PCDH15: variants seen among roughly 807,000 people sequenced by gnomAD.
PCDH15 encodes protocadherin related 15.
PCDH15 carries 129 observed loss-of-function variants against 178.5 expected under a neutral mutation model. The observed-to-expected ratio is 0.72, with a 90% CI of 0.63 to 0.84. The LOEUF (loss-of-function observed/expected upper bound fraction) is 0.84, where lower values mean the gene tolerates loss of function less well. Among genes scored for constraint, PCDH15 ranks in the 40% least tolerant of loss-of-function variants. The pLI, the probability that PCDH15 is intolerant of heterozygous loss-of-function variation, is 0.00. For missense variants in PCDH15, 2,230 were observed against 2,099.9 expected (o/e 1.06, Z -1.21); for synonymous variants, 800 against 732.0 (o/e 1.09, Z -1.50).
At chr10:54,856,161 G>T (rs1187487860) in intron 3 of PCDH15, among the ~76,000 whole-genome samples, 1 of 152,142 alleles carries the variant, frequency 6.6e-6, no homozygotes, top group Admixed American at 6.6e-5. Context: ...TTATTTGACA[G>T]ATGCTAATGT....
chr10:54,168,676 CA>C (rs1330390360), intron 13 of PCDH15, among the ~76,000 whole-genome samples: 2 of 152,100 alleles, frequency 1.3e-5, no homozygotes, highest in African/African-American at 4.8e-5. Context: ...TCTTTTTCAT[CA>C]AATATAAAAA....
chr10:55,603,500 T>A (rs1474145137), intron 2 of PCDH15, among the ~76,000 whole-genome samples: 1 of 151,834 alleles, frequency 6.6e-6, no homozygotes. Context: ...GAGAGAAAGG[T>A]CAGGTTACCC....
Position 54,664,241 on chromosome 10 carries a change from A to G in PCDH15, c.22T>C (p.Trp8Arg), listed in dbSNP as rs1490277261. 6.2e-7 allele frequency: 1 copy of G among 1,611,798 alleles called. No individual in the cohort carries two copies. The highest frequency in any genetic ancestry group is 1.3e-5 in the African/African-American group (1 of 74,848). The change falls in exon 2 of 38, where the codon TGG (tryptophan) becomes CGG (arginine). Residue 8 changes from tryptophan to arginine, a missense_variant. Coordinates refer to ENST00000644397, the MANE Select transcript of PCDH15 (RefSeq NM_001384140.1). ...ATGATCCCTGAAGCTAAACATGTCC[A>G]GAGATAAAACTGTCGAAACATCTTC... MFRQFYL[W>R]TCLASGIILG...
intron 3 of PCDH15, among the ~76,000 whole-genome samples, chr10:54,490,279 T>A (rs1377061077): frequency 6.6e-6 from 1 of 151,838 alleles, no homozygotes; most frequent in Non-Finnish European, 1.5e-5. Flanking sequence ...TGAAACTCTG[T>A]CTCTATTAAA....
chr10:54,182,970 G>T (rs1374067639), intron 13 of PCDH15, among the ~76,000 whole-genome samples: 6 of 136,088 alleles, frequency 4.4e-5, no homozygotes, highest in East Asian at 2.0e-4. Context: ...TTTGTTTTTG[G>T]TTTTTTGTTT....
At chr10:54,599,902 G>A (rs1181297819) in intron 2 of PCDH15, 2 of 735,082 alleles carry the variant, frequency 2.7e-6, no homozygotes, top group Non-Finnish European at 4.7e-6. Flanking sequence ...AAAGAAAGTT[G>A]AGGAAAAGAG....
intron 1 of PCDH15, among the ~76,000 whole-genome samples, chr10:54,699,207 A>G (rs1337289194): frequency 6.6e-6 from 1 of 152,152 alleles, no homozygotes; most frequent in Non-Finnish European, 1.5e-5. Context: ...GTTATTGTCA[A>G]CTTTGAAAGG....
At chr10:54,330,114 C>A (rs1939135485) in intron 6 of PCDH15, among the ~76,000 whole-genome samples, 1 of 151,762 alleles carries the variant, frequency 6.6e-6, no homozygotes, top group Non-Finnish European at 1.5e-5. Context: ...CAATTGTCAA[C>A]ATTGATATCC....
chr10:55,272,695 C>T (rs1233146763), intron 1 of PCDH15, among the ~76,000 whole-genome samples: 2 of 151,928 alleles, frequency 1.3e-5, no homozygotes, highest in African/African-American at 4.8e-5. Flanking sequence ...CCTATCATGT[C>T]TTATTTTAAA....
At chr10:55,547,138 C>T (rs901332505) in intron 2 of PCDH15, among the ~76,000 whole-genome samples, 72 of 152,224 alleles carry the variant, frequency 4.7e-4, no homozygotes, top group African/African-American at 1.7e-3. Context: ...AGGAGCAGCC[C>T]GGGGACGTTG....
intron 1 of PCDH15, among the ~76,000 whole-genome samples, chr10:54,708,814 G>A (rs540127566): frequency 3.3e-5 from 5 of 151,946 alleles, no homozygotes; most frequent in Admixed American, 1.3e-4. Context: ...GCGCGCGTGC[G>A]TGTGGTCATC....
At chr10:55,561,204 TG>T (rs1355008800) in intron 2 of PCDH15, among the ~76,000 whole-genome samples, 2 of 151,862 alleles carry the variant, frequency 1.3e-5, no homozygotes, top group African/African-American at 4.8e-5. Flanking sequence ...CTTTGAAAAC[TG>T]GGAAGTTAAC....
chr10:53,897,869 T>C (rs997955565), intron 26 of PCDH15, among the ~76,000 whole-genome samples: 2 of 152,112 alleles, frequency 1.3e-5, no homozygotes, highest in African/African-American at 4.8e-5. Context: ...TTTATTTCCC[T>C]TTAGGACTAA....
At chr10:54,923,899 A>G (rs553706952) in intron 2 of PCDH15, among the ~76,000 whole-genome samples, 1 of 138,158 alleles carries the variant, frequency 7.2e-6, no homozygotes, top group Non-Finnish European at 1.7e-5. Flanking sequence ...TACCCAGTTC[A>G]AAAGATGCTT....
intron 8 of PCDH15, among the ~76,000 whole-genome samples, chr10:54,291,949 G>C (rs981215769): frequency 1.3e-5 from 2 of 152,118 alleles, no homozygotes; most frequent in Non-Finnish European, 2.9e-5. Flanking sequence ...GAAAAAGAGG[G>C]AATCCTCCCT....
chr10:54,406,510 G>A (rs1227047671), intron 3 of PCDH15, among the ~76,000 whole-genome samples: 1 of 151,622 alleles, frequency 6.6e-6, no homozygotes, highest in Non-Finnish European at 1.5e-5. Flanking sequence ...CTCTTATTTT[G>A]ACAATACTTT....
At chr10:54,799,421 C>A (rs1952405797) in intron 1 of PCDH15, among the ~76,000 whole-genome samples, 1 of 151,924 alleles carries the variant, frequency 6.6e-6, no homozygotes, top group Non-Finnish European at 1.5e-5. Flanking sequence ...CAAATATTAT[C>A]AGTGGGTATA....
intron 2 of PCDH15, among the ~76,000 whole-genome samples, chr10:55,561,614 T>C (rs1479005098): frequency 6.6e-6 from 1 of 151,876 alleles, no homozygotes; most frequent in Non-Finnish European, 1.5e-5. Context: ...AGTACATAAA[T>C]AGATTACATG....
At chr10:55,328,232 C>CTA (rs34226039) in intron 2 of PCDH15, among the ~76,000 whole-genome samples, 33,282 of 151,164 alleles carry the variant, frequency 0.22, 4,300 homozygotes, top group African/African-American at 0.36. Context: ...TAGGACAAAA[C>CTA]TATATATATA....
Sources: gnomAD v4.1 joint callset for allele counts (sites outside exome capture counted in the v4.1 genomes callset) on GRCh38, gnomAD v4.1.1 for gene constraint, MANE v1.5 for transcripts, NCBI Gene and HGNC (gene_info 2026-07-23, HGNC 2026-07-21) for gene names.